The following WIF1 variants were observed in gnomAD, a reference collection of about 807,000 sequenced individuals.
The protein encoded by WIF1 is Wnt inhibitory factor 1.
A neutral mutation model predicts 53.5 loss-of-function variants in WIF1; 35 were observed. The observed-to-expected ratio is 0.65, with a 90% CI of 0.50 to 0.87. WIF1 has a LOEUF of 0.87. WIF1 is among the 40% of genes least tolerant of loss of function. The pLI is 0.00. For synonymous variants in WIF1, 171 were observed against 170.4 expected, an observed-to-expected ratio of 1.00 and a Z score of -0.03; for missense variants, 467 against 476.8, an observed-to-expected ratio of 0.98 and a Z score of 0.19.
At chr12:65,071,046 G>A (rs1008150570) in intron 3 of WIF1, among the ~76,000 whole-genome samples, 2 of 151,660 alleles carry the variant, frequency 1.3e-5, no homozygotes, top group African/African-American at 4.8e-5. Flanking sequence ...GACCAGCCTG[G>A]CCAACATGGT....
chr12:65,116,108 G>A (rs1883504992), intron 2 of WIF1, among the ~76,000 whole-genome samples: 1 of 152,134 alleles, frequency 6.6e-6, no homozygotes, highest in Non-Finnish European at 1.5e-5. Context: ...TGTAACTGGT[G>A]TTTACATCTT....
intron 2 of WIF1, among the ~76,000 whole-genome samples, chr12:65,115,339 C>T (rs1056124971): frequency 1.3e-5 from 2 of 152,048 alleles, no homozygotes; most frequent in African/African-American, 2.4e-5. Flanking sequence ...ATATAATCTA[C>T]ATAAATAAAA....
At chr12:65,085,820 T>A (rs1883029533) in intron 2 of WIF1, among the ~76,000 whole-genome samples, 1 of 152,224 alleles carries the variant, frequency 6.6e-6, no homozygotes, top group South Asian at 2.1e-4. Flanking sequence ...GAGAGTTTTG[T>A]AAATTAAAAC....
chr12:65,083,392 CT>C (rs1261354752), intron 2 of WIF1, among the ~76,000 whole-genome samples: 3 of 152,178 alleles, frequency 2.0e-5, no homozygotes, highest in Non-Finnish European at 4.4e-5. Flanking sequence ...CAGAATTCTT[CT>C]TGTTACCTCT....
At chr12:65,066,767 C>T in intron 5 of WIF1, 31 bp from the exon 6 acceptor site, 1 of 1,528,822 alleles carries the variant, frequency 6.5e-7, no homozygotes, top group Non-Finnish European at 8.9e-7. Context: ...TGATTAAGGC[C>T]AAATGGTATT....
intron 2 of WIF1, among the ~76,000 whole-genome samples, chr12:65,102,982 CTA>C (rs1565759344): frequency 6.6e-6 from 1 of 152,102 alleles, no homozygotes; most frequent in African/African-American, 2.4e-5. Context: ...GTAAGTATTT[CTA>C]TGTTTACTAT....
intron 7 of WIF1, among the ~76,000 whole-genome samples, chr12:65,060,168 C>A (rs1318624439): frequency 2.0e-5 from 3 of 152,198 alleles, no homozygotes; most frequent in African/African-American, 7.2e-5. Flanking sequence ...AAAGTTGTCA[C>A]CACGTGACCC....
At chr12:65,081,963 C>T (rs1882957562) in intron 2 of WIF1, among the ~76,000 whole-genome samples, 1 of 152,032 alleles carries the variant, frequency 6.6e-6, no homozygotes, top group African/African-American at 2.4e-5. Context: ...CAAAGTTTTA[C>T]TTTGCCATTG....
intron 2 of WIF1, among the ~76,000 whole-genome samples, chr12:65,116,503 C>G (rs1045532911): frequency 2.0e-5 from 3 of 151,924 alleles, no homozygotes; most frequent in African/African-American, 7.3e-5. Context: ...AACCTCAGGG[C>G]TCCCACTGAT....
At chr12:65,082,050 C>G (rs1176738354) in intron 2 of WIF1, among the ~76,000 whole-genome samples, 2 of 152,036 alleles carry the variant, frequency 1.3e-5, no homozygotes, top group Non-Finnish European at 2.9e-5. Flanking sequence ...GTAAATATAT[C>G]CTTCATTTAA....
At chr12:65,074,995 C>T (rs1882840064) in intron 3 of WIF1, among the ~76,000 whole-genome samples, 2 of 152,002 alleles carry the variant, frequency 1.3e-5, no homozygotes, top group East Asian at 1.9e-4. Context: ...GTGGAATCAG[C>T]GTATCCACAT....
chr12:65,106,387 T>G (rs199955893), intron 2 of WIF1, among the ~76,000 whole-genome samples: 20,276 of 151,338 alleles, frequency 0.13, 1,737 homozygotes, highest in African/African-American at 0.24. Flanking sequence ...TTTTTTATTT[T>G]TTTTGTTTTT....
intron 2 of WIF1, among the ~76,000 whole-genome samples, chr12:65,078,883 G>A (rs1295520085): frequency 1.3e-5 from 2 of 152,138 alleles, no homozygotes; most frequent in African/African-American, 4.8e-5. Flanking sequence ...GGTTTGTGAA[G>A]GCCAGGCACG....
intron 5 of WIF1, among the ~76,000 whole-genome samples, chr12:65,067,489 T>C (rs1263984406): frequency 6.6e-6 from 1 of 152,160 alleles, no homozygotes; most frequent in African/African-American, 2.4e-5. Flanking sequence ...TATGCCAAAG[T>C]ACAGTGGCTA....
intron 7 of WIF1, among the ~76,000 whole-genome samples, chr12:65,056,795 A>T (rs1211751458): frequency 6.6e-6 from 1 of 151,794 alleles, no homozygotes; most frequent in East Asian, 2.0e-4. Flanking sequence ...GAACACAGAC[A>T]TGTGCCACCA....
chr12:65,092,796 A>AGCAATGCCTTAACCCAAGGAC (rs1565756952), intron 2 of WIF1, among the ~76,000 whole-genome samples: 1 of 152,042 alleles, frequency 6.6e-6, no homozygotes, highest in Non-Finnish European at 1.5e-5. Flanking sequence ...AACCCAAGGA[A>AGCAATGCCTTAACCCAAGGAC]AGCTGTCTGG....
Position 65,121,224 on chromosome 12 carries a change from T to C in WIF1, c.-33A>G. The C allele has an allele frequency of 7.0e-7, 1 of 1,418,608 alleles. No individual in the cohort carries two copies. Among genetic ancestry groups the C allele is most frequent in the East Asian group, 2.8e-5 (1 of 35,814 alleles). 87.9% of individuals were successfully genotyped at this position (1,418,608 alleles called of 1,614,324 possible). On this transcript the variant is annotated 5_prime_UTR_variant, in exon 1 of 10. Transcript: ENST00000286574. ...AGGACCTCCTCGCTGCCGGGAAAACTCCTCGTGCCGCACCTACGCAACCTG... is the reference window on the plus strand; with the variant it reads ...AGGACCTCCTCGCTGCCGGGAAAACCCCTCGTGCCGCACCTACGCAACCTG...
At chr12:65,078,994 G>A (rs755612887) in intron 2 of WIF1, among the ~76,000 whole-genome samples, 3 of 151,840 alleles carry the variant, frequency 2.0e-5, no homozygotes, top group South Asian at 2.1e-4. Context: ...GCGAAACCCC[G>A]TCTCTACTAA....
chr12:65,091,885 T>C (rs1883128078), intron 2 of WIF1, among the ~76,000 whole-genome samples: 1 of 152,196 alleles, frequency 6.6e-6, no homozygotes, highest in African/African-American at 2.4e-5. Context: ...GGTTCTGCTC[T>C]AGGCACTAGG....
Sources: gnomAD v4.1 joint callset for allele counts (sites outside exome capture counted in the v4.1 genomes callset) on GRCh38, gnomAD v4.1.1 for gene constraint, MANE v1.5 for transcripts, NCBI Gene and HGNC (gene_info 2026-07-23, HGNC 2026-07-21) for gene names.